Variants in ZEB1 observed in about 807,000 individuals in gnomAD.
ZEB1 encodes zinc finger E-box binding homeobox 1, also known as zinc finger E-box-binding homeobox 1.
ZEB1 carries 21 observed loss-of-function variants against 84.9 expected under a neutral mutation model. The ratio of observed to expected loss-of-function variants is 0.25; its 90% CI spans 0.18 to 0.36. ZEB1 has a LOEUF of 0.36. Among genes scored for constraint, ZEB1 ranks in the 10% least tolerant of loss-of-function variants. The probability of loss-of-function intolerance (pLI) is 1.00; values close to 1 mark genes in which losing one functional copy is unlikely to be tolerated. For synonymous variants in ZEB1, 420 were observed against 471.1 expected (o/e 0.89, Z 1.41); for missense variants, 1,104 against 1,330.2 (o/e 0.83, Z 2.65).
At chr10:31,470,205 T>C (rs1238733230) in intron 2 of ZEB1, among the ~76,000 whole-genome samples, 1 of 152,204 alleles carries the variant, frequency 6.6e-6, no homozygotes, top group African/African-American at 2.4e-5. Context: ...GGAACAAAGC[T>C]GGACGGAGAA....
intron 1 of ZEB1, among the ~76,000 whole-genome samples, chr10:31,339,007 T>C (rs918054746): frequency 2.0e-5 from 3 of 152,062 alleles, no homozygotes; most frequent in African/African-American, 7.2e-5. Context: ...TCTAAGTAAT[T>C]TGTGAAGAAA....
chr10:31,490,287 A>T (rs2066351873), intron 2 of ZEB1, among the ~76,000 whole-genome samples: 1 of 151,462 alleles, frequency 6.6e-6, no homozygotes. Flanking sequence ...TCTGCACTAC[A>T]GCTCTTTTCC....
At chr10:31,493,943 A>G (rs12264308) in intron 2 of ZEB1, among the ~76,000 whole-genome samples, 2,155 of 152,140 alleles carry the variant, frequency 0.014, 51 homozygotes, top group African/African-American at 0.049. Context: ...AAATTAATCA[A>G]ATTGCAGTTC....
intron 1 of ZEB1, among the ~76,000 whole-genome samples, chr10:31,418,183 C>G (rs1371585074): frequency 6.6e-6 from 1 of 151,802 alleles, no homozygotes; most frequent in Non-Finnish European, 1.5e-5. Context: ...GAGTGCCACC[C>G]TAAACCTTCC....
chr10:31,481,852 G>A (rs1301287604), intron 2 of ZEB1, among the ~76,000 whole-genome samples: 3 of 151,926 alleles, frequency 2.0e-5, no homozygotes, highest in South Asian at 2.1e-4. Context: ...ACACCTGGGA[G>A]GGAAAGGACA....
intron 6 of ZEB1, among the ~76,000 whole-genome samples, chr10:31,517,297 G>A (rs148548418): frequency 2.6e-5 from 4 of 151,918 alleles, no homozygotes; most frequent in African/African-American, 7.2e-5. Context: ...ATGCAGAACC[G>A]TGTGTGTTAA....
At chr10:31,356,427 T>G (rs370712649) in intron 1 of ZEB1, among the ~76,000 whole-genome samples, 2 of 152,088 alleles carry the variant, frequency 1.3e-5, no homozygotes, top group East Asian at 3.8e-4. Context: ...GGAAGGTGAC[T>G]CTTTAGGATT....
At position 31,524,158 on chromosome 10, in the gene ZEB1, C is replaced by T. The variant is rs751291725; in HGVS notation, c.2785+45C>T. On this transcript the variant is annotated intron_variant, in intron 8 of 8. Transcript: ENST00000424869. ...CATAAAGTGTCCATGATATGATATACTGGAAGATGCAAAATTAAAAACTAA... is the reference window on the plus strand; with the variant it reads ...CATAAAGTGTCCATGATATGATATATTGGAAGATGCAAAATTAAAAACTAA... 19 of 1,534,674 alleles carry T rather than the reference C, an allele frequency of 1.2e-5. No homozygotes were observed. In the African/African-American group the frequency reaches 2.3e-4, roughly 19 times the overall value.
chr10:31,485,712 G>A (rs1361323183), intron 2 of ZEB1, among the ~76,000 whole-genome samples: 1 of 151,402 alleles, frequency 6.6e-6, no homozygotes, highest in Non-Finnish European at 1.5e-5. Flanking sequence ...AAGACCTCAG[G>A]AAATATTTTT....
intron 1 of ZEB1, chr10:31,375,090 C>CACACACACACACACACACAG (rs1204880411): frequency 4.3e-5 from 6 of 140,022 alleles, no homozygotes; most frequent in Non-Finnish European, 6.2e-5. Context: ...CACACACACA[C>CACACACACACACACACACAG]AGAGAAGCAT....
At chr10:31,434,555 AC>A (rs1591220940) in intron 1 of ZEB1, among the ~76,000 whole-genome samples, 1 of 152,300 alleles carries the variant, frequency 6.6e-6, no homozygotes, top group East Asian at 1.9e-4. Context: ...AGCCATAAAA[AC>A]AATTACCAAA....
chr10:31,399,301 GTCT>G (rs1564720317), intron 1 of ZEB1, among the ~76,000 whole-genome samples: 1 of 151,956 alleles, frequency 6.6e-6, no homozygotes, highest in African/African-American at 2.4e-5. Flanking sequence ...GGCCCCTGTA[GTCT>G]TCTTAGAATG....
intron 1 of ZEB1, among the ~76,000 whole-genome samples, chr10:31,327,118 T>C (rs2035700321): frequency 6.8e-6 from 1 of 146,090 alleles, no homozygotes; most frequent in Non-Finnish European, 1.5e-5. Context: ...TTTTTTTTTT[T>C]TTTGAGACAG....
intron 1 of ZEB1, among the ~76,000 whole-genome samples, chr10:31,404,130 A>G (rs2052548857): frequency 6.6e-6 from 1 of 152,138 alleles, no homozygotes; most frequent in African/African-American, 2.4e-5. Context: ...GAGCAGGAAC[A>G]ATGTACTTGA....
At chr10:31,374,463 C>T (rs2046254807) in intron 1 of ZEB1, among the ~76,000 whole-genome samples, 1 of 151,812 alleles carries the variant, frequency 6.6e-6, no homozygotes, top group Non-Finnish European at 1.5e-5. Flanking sequence ...ATGTGTCACC[C>T]ATTTAGGTAG....
intron 1 of ZEB1, among the ~76,000 whole-genome samples, chr10:31,410,721 G>T (rs986828224): frequency 2.6e-5 from 4 of 152,108 alleles, no homozygotes; most frequent in Non-Finnish European, 5.9e-5. Flanking sequence ...CATCTTCCTG[G>T]TTTAGTCTTG....
At chr10:31,444,347 C>T (rs933751251) in intron 1 of ZEB1, among the ~76,000 whole-genome samples, 5 of 148,444 alleles carry the variant, frequency 3.4e-5, no homozygotes, top group East Asian at 2.0e-4. Flanking sequence ...CAAAAATTTT[C>T]TCCCATTTTG....
At chr10:31,410,988 A>G (rs188608669) in intron 1 of ZEB1, among the ~76,000 whole-genome samples, 1,653 of 152,190 alleles carry the variant, frequency 0.011, 98 homozygotes, top group Admixed American at 0.098. Flanking sequence ...TCGTGTCTCT[A>G]TCTTTTTCAG....
At chr10:31,380,442 A>G (rs2047420175) in intron 1 of ZEB1, among the ~76,000 whole-genome samples, 1 of 152,138 alleles carries the variant, frequency 6.6e-6, no homozygotes, top group African/African-American at 2.4e-5. Flanking sequence ...GGAGCATATA[A>G]TGTCTGCTTG....
Sources: allele counts gnomAD v4.1 joint callset (sites outside exome capture counted in the v4.1 genomes callset), GRCh38; gene constraint gnomAD v4.1.1; transcripts MANE v1.5; gene names NCBI Gene and HGNC (gene_info 2026-07-23, HGNC 2026-07-21).